Variants in FCRL2 observed in about 807,000 individuals in gnomAD.
FCRL2 encodes Fc receptor like 2.
FCRL2 carries 48 observed loss-of-function variants against 59.8 expected under a neutral mutation model. That is an observed-to-expected ratio of 0.80 (90% CI 0.64 to 1.02). The LOEUF is 1.02. FCRL2 is among the 50% of genes least tolerant of loss of function. FCRL2 has a pLI of 0.00. For missense variants in FCRL2, 658 were observed against 597.3 expected (o/e 1.10, Z -1.06); for synonymous variants, 251 against 229.5 (o/e 1.09, Z -0.85).
At chr1:157,763,937 G>A (rs1649297677) in intron 7 of FCRL2, among the ~76,000 whole-genome samples, 1 of 151,870 alleles carries the variant, frequency 6.6e-6, no homozygotes, top group South Asian at 2.1e-4. Context: ...GGCTGAGGCA[G>A]GAGGATGGAG....
rs77677421 is a variant in FCRL2, at chr1:157,768,304, G to A, written c.883+110C>T. 2.2e-4 allele frequency: 260 copies of A among 1,161,072 alleles called. 1 individual carries two copies. The African/African-American group carries it at 3.4e-3, about 15-fold the overall frequency. The allele number at this position is 1,161,072 out of a possible 1,614,324, so 71.9% of individuals were successfully genotyped here. A position where few individuals can be genotyped will look rare whatever the true frequency, so the allele number is the denominator to read the frequency against. ...GTAACCCATTTTCAAATTGCTTTTG[G>A]TTCTCCACAGCACTAATCCCTGGGG... is the stretch of plus-strand genomic sequence containing the variant. On this transcript the variant is annotated intron_variant, in intron 5 of 11. Transcript: ENST00000361516.
At chr1:157,767,610 G>C (rs2101736937) in intron 5 of FCRL2, 101 bp from the exon 6 acceptor site, 1 of 1,613,802 alleles carries the variant, frequency 6.2e-7, no homozygotes, top group South Asian at 1.1e-5. Context: ...CCCCATGGCT[G>C]TTGCATATTT....
intron 2 of FCRL2, 44 bp downstream of exon 2, chr1:157,775,731 T>C: frequency 6.2e-7 from 1 of 1,611,818 alleles, no homozygotes; most frequent in Admixed American, 1.7e-5. Flanking sequence ...GTGGGGTGAC[T>C]GATATGCCAG....
chr1:157,773,672 G>C (rs867223994), intron 2 of FCRL2, among the ~76,000 whole-genome samples: 3 of 152,116 alleles, frequency 2.0e-5, no homozygotes, highest in East Asian at 3.9e-4. Context: ...CAGTTTGAAG[G>C]CCTCAGCAGA....
chr1:157,758,680 C>CAAAAAAAAAAAAAAAAAAAAAAAA (rs59716565), intron 7 of FCRL2, among the ~76,000 whole-genome samples: 6 of 55,402 alleles, frequency 1.1e-4, no homozygotes, highest in African/African-American at 2.0e-4. Flanking sequence ...CAGTCCCAAG[C>CAAAAAAAAAAAAAAAAAAAAAAAA]AAAAAAAAAA....
At chr1:157,762,402 G>A (rs1049687250) in intron 7 of FCRL2, among the ~76,000 whole-genome samples, 7 of 152,126 alleles carry the variant, frequency 4.6e-5, no homozygotes, top group Admixed American at 3.3e-4. Context: ...AGCCACTTCG[G>A]GTATGTGATT....
rs775366728 is a variant in FCRL2 at position 157,767,625 on chromosome 1, T to C, written c.884-116A>G. On this transcript the variant is annotated intron_variant, in intron 5 of 11. Coordinates refer to ENST00000361516, the MANE Select transcript of FCRL2 (RefSeq NM_030764.4). ...CCCCATGGCTGTTGCATATTTTCCA[T>C]TCCCACATTCCCACTAGAACAGTTA... is the stretch of plus-strand genomic sequence containing the variant. 1.5e-5 allele frequency: 24 copies of C among 1,613,176 alleles called. No individual in the cohort carries two copies. The Admixed American group carries it at 4.0e-4, about 27-fold the overall frequency.
At chr1:157,756,431 C>T (rs1648593917) in intron 7 of FCRL2, among the ~76,000 whole-genome samples, 2 of 152,058 alleles carry the variant, frequency 1.3e-5, no homozygotes, top group Admixed American at 1.3e-4. Context: ...GCCTATAATC[C>T]CAGTGCTTTG....
At chr1:157,750,514 C>T (rs1338701790) in intron 7 of FCRL2, among the ~76,000 whole-genome samples, 3 of 152,198 alleles carry the variant, frequency 2.0e-5, no homozygotes, top group South Asian at 2.1e-4. Context: ...CTTATATAAT[C>T]GTGGTCAAAG....
chr1:157,772,474 A>G (rs1488074342), intron 2 of FCRL2, among the ~76,000 whole-genome samples: 1 of 152,168 alleles, frequency 6.6e-6, no homozygotes, highest in Non-Finnish European at 1.5e-5. Context: ...CAGCAGGGTG[A>G]GCCGGCTTGC....
In FCRL2 at chr1:157,746,428, A is replaced by G. The variant is rs36125173; in HGVS notation, c.*308T>C. The G allele has an allele frequency of 1.2e-4, 52 of 443,390 alleles. No individual in the cohort carries two copies. The highest frequency in any genetic ancestry group is 2.0e-4 in the Non-Finnish European group (49 of 244,838). 27.5% of individuals were successfully genotyped at this position (443,390 alleles called of 1,614,324 possible). On this transcript the variant is annotated 3_prime_UTR_variant, in exon 12 of 12. Coordinates refer to ENST00000361516, the MANE Select transcript of FCRL2 (RefSeq NM_030764.4). ...TGTTCTCATCACTTCACAGTAGATGAAGGTGAGACCTTGTATCTCTTATTC... is the reference window on the plus strand; with the variant it reads ...TGTTCTCATCACTTCACAGTAGATGGAGGTGAGACCTTGTATCTCTTATTC...
intron 7 of FCRL2, among the ~76,000 whole-genome samples, chr1:157,760,654 A>AGAAAGAAAGAAG (rs1648953988): frequency 7.7e-6 from 1 of 129,552 alleles, no homozygotes; most frequent in African/African-American, 3.2e-5. Flanking sequence ...AAAGAAAGAA[A>AGAAAGAAAGAAG]GAAGGAAGGA....
intron 3 of FCRL2, 121 bp from the exon 4 acceptor site, chr1:157,770,271 C>T (rs2101751120): frequency 6.9e-7 from 1 of 1,448,388 alleles, no homozygotes. Flanking sequence ...TCTCACCCAT[C>T]ATGGCTCCTT....
At chr1:157,749,303 T>C (rs751369620) in intron 8 of FCRL2, among the ~76,000 whole-genome samples, 2 of 152,136 alleles carry the variant, frequency 1.3e-5, no homozygotes, top group Middle Eastern at 3.2e-3. Flanking sequence ...GCACAGTATG[T>C]CCCTGGAGGA....
At chr1:157,760,699 G>GAAAGAAAGAAAT (rs1323579373) in intron 7 of FCRL2, among the ~76,000 whole-genome samples, 8,944 of 36,262 alleles carry the variant, frequency 0.25, 486 homozygotes, top group Non-Finnish European at 0.28. Flanking sequence ...AAGAAAGAAG[G>GAAAGAAAGAAAT]AAAGAAAGAA....
intron 7 of FCRL2, among the ~76,000 whole-genome samples, chr1:157,756,927 T>G (rs1648631000): frequency 6.6e-6 from 1 of 152,208 alleles, no homozygotes; most frequent in Non-Finnish European, 1.5e-5. Flanking sequence ...ACATGCAATT[T>G]TTATCTGTCA....
Position 157,770,000 on chromosome 1 carries a change from G to C in FCRL2, c.461C>G (p.Ser154Ter), listed in dbSNP as rs374507462. The stretch of plus-strand genomic sequence containing the variant: ...GAGCTCCGGAGAGCTGCTCCAGCCT[G>C]ACCCCAGGACCTGGTTTTCTCTGAA... ...CFFRENQVLG[S>*]GWSSSPELQI... The change falls in exon 4 of 12, where the codon TCA (serine) becomes TGA (stop). Residue 154 changes from serine to a stop codon, truncating the protein, a stop_gained. Coordinates refer to ENST00000361516, the MANE Select transcript of FCRL2 (RefSeq NM_030764.4). LOFTEE classifies it high-confidence loss of function. 1.2e-6 allele frequency: 2 copies of C among 1,614,018 alleles called. No individual in the cohort carries two copies. The highest frequency in any genetic ancestry group is 2.7e-5 in the African/African-American group (2 of 74,910).
intron 6 of FCRL2, 91 bp downstream of exon 6, chr1:157,767,140 C>G: frequency 6.8e-7 from 1 of 1,475,186 alleles, no homozygotes. Flanking sequence ...ACTGAGATCA[C>G]CTTCCCCCTC....
intron 7 of FCRL2, among the ~76,000 whole-genome samples, chr1:157,749,966 A>T (rs1648054590): frequency 1.3e-5 from 2 of 152,298 alleles, no homozygotes; most frequent in South Asian, 4.1e-4. Flanking sequence ...CTCTTTGTCT[A>T]TTCATGTACC....
Sources: gnomAD v4.1 joint callset for allele counts (sites outside exome capture counted in the v4.1 genomes callset) on GRCh38, gnomAD v4.1.1 for gene constraint, MANE v1.5 for transcripts, NCBI Gene and HGNC (gene_info 2026-07-23, HGNC 2026-07-21) for gene names.